TSPAN18: variants seen among roughly 807,000 people sequenced by gnomAD.
TSPAN18 encodes tetraspanin 18.
TSPAN18 carries 14 observed loss-of-function variants against 27.3 expected under a neutral mutation model. The ratio of observed to expected loss-of-function variants is 0.51; its 90% confidence interval spans 0.34 to 0.80. The LOEUF (loss-of-function observed/expected upper bound fraction) is 0.80, where lower values mean the gene tolerates loss of function less well. TSPAN18 is among the 30% of genes least tolerant of loss of function. TSPAN18 has a pLI of 0.01. For missense variants in TSPAN18, 268 were observed against 323.9 expected, an observed-to-expected ratio of 0.83 and a Z score of 1.32; for synonymous variants, 143 against 136.5, an observed-to-expected ratio of 1.05 and a Z score of -0.33.
At chr11:44,732,648 A>C (rs1224252524) in intron 1 of TSPAN18, among the ~76,000 whole-genome samples, 1 of 152,118 alleles carries the variant, frequency 6.6e-6, no homozygotes, top group Non-Finnish European at 1.5e-5. Context: ...GTGATGAGTA[A>C]GAGTTTTTTG....
chr11:44,842,144 C>T (rs2135167944), intron 2 of TSPAN18, among the ~76,000 whole-genome samples: 1 of 152,270 alleles, frequency 6.6e-6, no homozygotes. Context: ...GAGAGGCTGG[C>T]AGAAGCCCCA....
chr11:44,857,604 G>A (rs904177589), intron 2 of TSPAN18, among the ~76,000 whole-genome samples: 11 of 152,302 alleles, frequency 7.2e-5, no homozygotes, highest in African/African-American at 2.4e-4. Context: ...TGGCCTCAAC[G>A]AGTGTGGGAT....
chr11:44,818,832 G>C (rs1856867660), intron 2 of TSPAN18, among the ~76,000 whole-genome samples: 1 of 152,264 alleles, frequency 6.6e-6, no homozygotes, highest in South Asian at 2.1e-4. Flanking sequence ...AGTCCTGGCT[G>C]GGGCTCAAGG....
chr11:44,791,923 T>C (rs1856234792), intron 2 of TSPAN18, among the ~76,000 whole-genome samples: 1 of 152,162 alleles, frequency 6.6e-6, no homozygotes, highest in South Asian at 2.1e-4. Flanking sequence ...TAGCATTTTA[T>C]TTGTTCATTC....
Position 44,849,066 on chromosome 11 carries a change from A to G in TSPAN18, c.-152-11262A>G, listed in dbSNP as rs112244640. 2.6e-3 allele frequency among the ~76,000 whole-genome samples: 395 copies of G among 152,272 alleles called. 1 individual carries two copies. Among genetic ancestry groups the G allele is most frequent in the African/African-American group, 9.1e-3 (379 of 41,552 alleles). ...TCTCTTAGCTGGGTTGTTGGTTTTG[A>G]GATCAGGAGGGAAAGTGCATTGTGC... On this transcript the variant is annotated intron_variant, in intron 2 of 9. Transcript: ENST00000520358.
At chr11:44,828,244 AT>A (rs879659012) in intron 2 of TSPAN18, among the ~76,000 whole-genome samples, 1 of 152,110 alleles carries the variant, frequency 6.6e-6, no homozygotes, top group Non-Finnish European at 1.5e-5. Context: ...TGAAATCTTC[AT>A]GGAGGACTGC....
intron 5 of TSPAN18, among the ~76,000 whole-genome samples, chr11:44,916,611 G>C (rs1382754009): frequency 1.3e-5 from 2 of 152,170 alleles, no homozygotes; most frequent in Non-Finnish European, 2.9e-5. Context: ...GAAAACTGAG[G>C]CTGGAAGGGG....
intron 8 of TSPAN18, among the ~76,000 whole-genome samples, chr11:44,920,663 G>C (rs997785083): frequency 2.6e-5 from 4 of 152,046 alleles, no homozygotes; most frequent in Non-Finnish European, 4.4e-5. Flanking sequence ...TGCCAGTGTG[G>C]GTGTGTGACC....
At chr11:44,844,190 G>A (rs978692773) in intron 2 of TSPAN18, among the ~76,000 whole-genome samples, 7 of 152,160 alleles carry the variant, frequency 4.6e-5, no homozygotes, top group Non-Finnish European at 8.8e-5. Flanking sequence ...GGCTTCAGCC[G>A]GTCCCTCTGT....
intron 1 of TSPAN18, among the ~76,000 whole-genome samples, chr11:44,748,898 A>C (rs1855144247): frequency 6.6e-6 from 1 of 152,204 alleles, no homozygotes; most frequent in Admixed American, 6.5e-5. Context: ...AGAGAGCTAG[A>C]ATGTATTGAG....
intron 1 of TSPAN18, among the ~76,000 whole-genome samples, chr11:44,729,123 T>C (rs532070104): frequency 1.3e-5 from 2 of 152,264 alleles, no homozygotes; most frequent in East Asian, 3.9e-4. Context: ...CAGGACAAAG[T>C]TGCCATAAAG....
Position 44,811,517 on chromosome 11 carries a change from T to C in TSPAN18, c.-153+47005T>C, listed in dbSNP as rs550992503. On this transcript the variant is annotated intron_variant, in intron 2 of 9. Coordinates refer to ENST00000520358, the MANE Select transcript of TSPAN18 (RefSeq NM_130783.5). ...TCTTGTTGCCCAGGCTGGAGTGCAA[T>C]GGCACAATCTCGGCTCACTGCAAAC... Among the ~76,000 whole-genome samples the C allele has an allele frequency of 3.4e-3, 523 of 151,606 alleles. 2 individuals carry two copies. The highest frequency in any genetic ancestry group is 5.9e-3 in the Non-Finnish European group (401 of 67,932).
intron 2 of TSPAN18, among the ~76,000 whole-genome samples, chr11:44,824,215 A>T (rs539974751): frequency 1.3e-5 from 2 of 152,238 alleles, no homozygotes; most frequent in South Asian, 2.1e-4. Flanking sequence ...GGAAGGATGG[A>T]TTGGCACCCT....
chr11:44,883,709 C>T (rs914521988), intron 3 of TSPAN18, among the ~76,000 whole-genome samples: 5 of 152,204 alleles, frequency 3.3e-5, no homozygotes, highest in African/African-American at 9.7e-5. Context: ...CCCACTACAA[C>T]GCTCTTTCTA....
intron 2 of TSPAN18, among the ~76,000 whole-genome samples, chr11:44,771,588 A>C (rs986082429): frequency 6.6e-6 from 1 of 152,246 alleles, no homozygotes; most frequent in Non-Finnish European, 1.5e-5. Flanking sequence ...ATATACAGAT[A>C]GGATATCAGG....
chr11:44,918,771 G>A (rs1377926194), intron 6 of TSPAN18, among the ~76,000 whole-genome samples: 3 of 152,016 alleles, frequency 2.0e-5, no homozygotes, highest in Non-Finnish European at 4.4e-5. Flanking sequence ...TTGGGAGTAG[G>A]AGAAACTGTG....
chr11:44,746,811 T>A (rs189968467), intron 1 of TSPAN18, among the ~76,000 whole-genome samples: 303 of 152,314 alleles, frequency 2.0e-3, no homozygotes, highest in African/African-American at 6.9e-3. Context: ...ATACACGGTG[T>A]GCCTGGGCAG....
intron 3 of TSPAN18, among the ~76,000 whole-genome samples, chr11:44,879,530 T>G (rs1167162139): frequency 6.6e-6 from 1 of 152,160 alleles, no homozygotes; most frequent in East Asian, 1.9e-4. Flanking sequence ...AAATGAGCCA[T>G]GTGGAATATC....
intron 2 of TSPAN18, among the ~76,000 whole-genome samples, chr11:44,790,496 CAT>C (rs1029320259): frequency 2.2e-5 from 3 of 135,756 alleles, no homozygotes; most frequent in Admixed American, 7.6e-5. Context: ...AGTGTGTATG[CAT>C]ATGTTTGTGT....
Sources: gnomAD v4.1 joint callset for allele counts (sites outside exome capture counted in the v4.1 genomes callset) on GRCh38, gnomAD v4.1.1 for gene constraint, MANE v1.5 for transcripts, NCBI Gene and HGNC (gene_info 2026-07-23, HGNC 2026-07-21) for gene names.